Variants in ZNF580 observed in about 807,000 individuals in gnomAD.
ZNF580 encodes the protein LDL-induced EC protein.
ZNF580 carries 1 observed loss-of-function variant against 1.3 expected under a neutral mutation model. The ratio of observed to expected loss-of-function variants is 0.77; its 90% confidence interval spans 0.27 to 3.65. The LOEUF is 3.65. Among genes scored for constraint, ZNF580 ranks in the 30% most tolerant of loss-of-function variants. ZNF580 has a pLI of 0.19. For missense variants in ZNF580, 268 were observed against 272.3 expected, an observed-to-expected ratio of 0.98 and a Z score of 0.11; for synonymous variants, 135 against 128.8, an observed-to-expected ratio of 1.05 and a Z score of -0.32.
intron 1 of ZNF580, chr19:55,641,947 C>A (rs1409970218): frequency 2.8e-6 from 2 of 706,878 alleles, no homozygotes; most frequent in Admixed American, 9.9e-5. Flanking sequence ...AGGGAGGCCA[C>A]GGAATATGAA....
In ZNF580 at chr19:55,642,512, C is replaced by A; in HGVS notation, c.4C>A (p.Leu2Met). 1 of 1,430,444 alleles carries A rather than the reference C, an allele frequency of 7.0e-7. No individual in the cohort carries two copies. The allele number at this position is 1,430,444 out of a possible 1,614,324, so 88.6% of individuals were successfully genotyped here. A position where few individuals can be genotyped will look rare whatever the true frequency, so the allele number is the denominator to read the frequency against. The change falls in exon 2 of 2, where the codon CTG becomes ATG. Residue 2 changes from leucine to methionine, a missense_variant. Physicochemically the swap from Leu to Met is conservative, Grantham distance 15. Around this residue, in one of 2 missense-constraint regions of ZNF580, gnomAD observed 225 missense variants for 201.7 expected, o/e 1.12. Transcript: ENST00000325333. ...CCGCTCCCAGCTGCCGCTCCAGATG[C>A]TGCTGCTGCCGCCGCGGCCACCCCA... MLLLPPRPPHPR... is the reference protein window; with the variant it reads MMLLPPRPPHPR...
Position 55,642,931 on chromosome 19 carries a change from G to C in ZNF580, c.423G>C (p.Thr141=). 6.8e-7 allele frequency: 1 copy of C among 1,470,786 alleles called. No individual in the cohort carries two copies. 91.1% of individuals were successfully genotyped at this position (1,470,786 alleles called of 1,614,324 possible). The change falls in exon 2 of 2, where the codon ACG becomes ACC. Residue 141 remains threonine, a synonymous_variant. Transcript: ENST00000325333. ...RSSHLSRHRA[T]HRARAGPPHT... is the part of the protein sequence containing the mutation. ...GCCACCTGTCGCGGCATCGCGCCAC[G>C]CACCGCGCCCGCGCCGGGCCGCCGC... is the stretch of plus-strand genomic sequence containing the variant.
chr19:55,642,122 G>C, intron 1 of ZNF580: 2 of 1,011,318 alleles, frequency 2.0e-6, no homozygotes, highest in Non-Finnish European at 2.4e-6. Flanking sequence ...CGGCGGTCAG[G>C]AGGCCCGGGG....
rs2459751 is a variant in ZNF580 at position 55,641,174 on chromosome 19, G to T, written c.-22G>T. ...CCCGTTCCTCCGGACCCGAGAGGCCGCCGCACGGGGTACGGGGGCCGGGAT... is the reference window on the plus strand; with the variant it reads ...CCCGTTCCTCCGGACCCGAGAGGCCTCCGCACGGGGTACGGGGGCCGGGAT... On this transcript the variant is annotated 5_prime_UTR_variant, in exon 1 of 2. Transcript: ENST00000325333. 1 of 985,350 alleles carries T rather than the reference G, an allele frequency of 1.0e-6. No homozygotes were observed. Among genetic ancestry groups the T allele is most frequent in the Non-Finnish European group, 1.2e-6 (1 of 829,910 alleles). 61.0% of individuals were successfully genotyped at this position (985,350 alleles called of 1,614,324 possible).
In ZNF580 at chr19:55,642,637, G is replaced by T. The variant is rs985967698; in HGVS notation, c.129G>T (p.Ala43=). The T allele has an allele frequency of 2.9e-5, 42 of 1,428,548 alleles. No homozygotes were observed. Among genetic ancestry groups the T allele is most frequent in the Non-Finnish European group, 3.8e-5 (41 of 1,089,802 alleles). 88.5% of individuals were successfully genotyped at this position (1,428,548 alleles called of 1,614,324 possible). ...EGPSSTPSSA[A]GPRPPRLGRH... The stretch of plus-strand genomic sequence containing the variant: ...CCTCCTCCACTCCTTCCTCGGCGGC[G>T]GGGCCCCGACCCCCGCGGCTGGGCC... The change falls in exon 2 of 2, where the codon GCG becomes GCT. Residue 43 remains alanine, a synonymous_variant. Transcript: ENST00000325333.
rs963058314 is a variant in ZNF580 at position 55,643,055 on chromosome 19, C to T, written c.*28C>T. ...TCGAGACCCGGCCTGTGCTGCCCTG[C>T]CCGTCTCAGGGCCACCAAGTCTGAC... is the stretch of plus-strand genomic sequence containing the variant. On this transcript the variant is annotated 3_prime_UTR_variant, in exon 2 of 2. Transcript: ENST00000325333. 2.2e-6 allele frequency: 3 copies of T among 1,343,538 alleles called. No individual in the cohort carries two copies. The highest frequency in any genetic ancestry group is 6.2e-5 in the East Asian group (2 of 32,304). The allele number at this position is 1,343,538 out of a possible 1,614,324, so 83.2% of individuals were successfully genotyped here.
At position 55,642,758 on chromosome 19, in the gene ZNF580, G is replaced by T; in HGVS notation, c.250G>T (p.Gly84Ter). The change falls in exon 2 of 2, where the codon GGA becomes TGA. Residue 84 changes from glycine (G) to a stop codon, truncating the protein, a stop_gained. Transcript: ENST00000325333. LOFTEE classifies it low-confidence loss of function (END_TRUNC). ...CCCGCCCCAGCGCGAGGCGCCCCCA[G>T]GAGAGCCCGGCCCTCGCAAGGGCTA... Reference protein sequence around the residue: ...RGPPQREAPPGEPGPRKGYSC... With the variant: ...RGPPQREAPP The T allele has an allele frequency of 6.5e-7, 1 of 1,539,734 alleles. No homozygotes were observed. The highest frequency in any genetic ancestry group is 8.7e-7 in the Non-Finnish European group (1 of 1,148,346).
Position 55,642,644 on chromosome 19 carries a change from C to T in ZNF580, c.136C>T (p.Arg46Ter). ...SSTPSSAAGP[R>*]PPRLGRHLLI... is the part of the protein sequence containing the mutation. The stretch of plus-strand genomic sequence containing the variant: ...CACTCCTTCCTCGGCGGCGGGGCCC[C>T]GACCCCCGCGGCTGGGCCGCCACCT... Residue 46 changes from arginine (R) to a stop codon, truncating the protein, a stop_gained, in exon 2 of 2, where the codon CGA becomes TGA. Transcript: ENST00000325333. LOFTEE classifies it low-confidence loss of function (END_TRUNC). The T allele has an allele frequency of 7.0e-7, 1 of 1,432,548 alleles. No homozygotes were observed. The allele number at this position is 1,432,548 out of a possible 1,614,324, so 88.7% of individuals were successfully genotyped here. A position where few individuals can be genotyped will look rare whatever the true frequency, so the allele number is the denominator to read the frequency against.
intron 1 of ZNF580, chr19:55,642,269 T>A: frequency 8.1e-7 from 1 of 1,234,946 alleles, no homozygotes; most frequent in Non-Finnish European, 1.0e-6. Context: ...CCAGGAGGAG[T>A]GGCAGGTGGT....
chr19:55,643,042 C>A lies in ZNF580; in HGVS notation c.*15C>A. The A allele has an allele frequency of 7.4e-7, 1 of 1,350,150 alleles. No homozygotes were observed. The highest frequency in any genetic ancestry group is 9.5e-7 in the Non-Finnish European group (1 of 1,049,472). 83.6% of individuals were successfully genotyped at this position (1,350,150 alleles called of 1,614,324 possible). A position where few individuals can be genotyped will look rare whatever the true frequency, so the allele number is the denominator to read the frequency against. Reference sequence around the variant, plus strand: ...GCCTCCACTAAGCTCGAGACCCGGCCTGTGCTGCCCTGCCCGTCTCAGGGC... The same window carrying A: ...GCCTCCACTAAGCTCGAGACCCGGCATGTGCTGCCCTGCCCGTCTCAGGGC... On this transcript the variant is annotated 3_prime_UTR_variant, in exon 2 of 2. Coordinates refer to ENST00000325333, the MANE Select transcript of ZNF580 (RefSeq NM_207115.2).
Position 55,642,556 on chromosome 19 carries a change from G to C in ZNF580, c.48G>C (p.Pro16=). 6.9e-7 allele frequency: 1 copy of C among 1,450,970 alleles called. No individual in the cohort carries two copies. The highest frequency in any genetic ancestry group is 9.1e-7 in the Non-Finnish European group (1 of 1,104,684). 89.9% of individuals were successfully genotyped at this position (1,450,970 alleles called of 1,614,324 possible). The change falls in exon 2 of 2, where the codon CCG becomes CCC. Residue 16 remains proline (P), a synonymous_variant. Transcript: ENST00000325333. ...PRPPHPRSSS[P]EAMDPPPPKA... is the part of the protein sequence containing the mutation. Reference sequence around the variant, plus strand: ...CACCCCACCCTCGGTCCTCCTCTCCGGAGGCCATGGACCCACCGCCCCCCA... The same window carrying C: ...CACCCCACCCTCGGTCCTCCTCTCCCGAGGCCATGGACCCACCGCCCCCCA...
chr19:55,642,879 C>T lies in ZNF580; in HGVS notation c.371C>T (p.Ala124Val), dbSNP rs1181588466. Reference protein sequence around the residue: ...HSDLKPFTCGACGKAFKRSSH... With the variant: ...HSDLKPFTCGVCGKAFKRSSH... Reference sequence around the variant, plus strand: ...GACCTCAAGCCCTTCACGTGCGGCGCCTGCGGCAAGGCCTTCAAGCGCTCC... The same window carrying T: ...GACCTCAAGCCCTTCACGTGCGGCGTCTGCGGCAAGGCCTTCAAGCGCTCC... Residue 124 changes from alanine to valine, a missense_variant, in exon 2 of 2, where the codon GCC becomes GTC. Physicochemically the swap from Ala to Val is moderately conservative, Grantham distance 64 (BLOSUM62 0). Coordinates refer to ENST00000325333, the MANE Select transcript of ZNF580 (RefSeq NM_207115.2). The T allele has an allele frequency of 1.9e-6, 3 of 1,565,322 alleles. No individual in the cohort carries two copies. The highest frequency in any genetic ancestry group is 2.6e-6 in the Non-Finnish European group (3 of 1,164,230).
rs1203986379 is a variant in ZNF580, at chr19:55,643,237, C to T, written c.*210C>T. On this transcript the variant is annotated 3_prime_UTR_variant, in exon 2 of 2. Transcript: ENST00000325333. ...GATGTAGACCAAAGTCGTTGCCCCT[C>T]CCTGGGCCTGGGAACCAGTCGGAAC... 2 of 836,934 alleles carry T rather than the reference C, an allele frequency of 2.4e-6. No individual in the cohort carries two copies. Among genetic ancestry groups the T allele is most frequent in the African/African-American group, 3.6e-5 (2 of 55,912 alleles). 51.8% of individuals were successfully genotyped at this position (836,934 alleles called of 1,614,324 possible).
chr19:55,643,066 G>C lies in ZNF580; in HGVS notation c.*39G>C. 6 of 1,340,186 alleles carry C rather than the reference G, an allele frequency of 4.5e-6. No homozygotes were observed. The highest frequency in any genetic ancestry group is 5.8e-6 in the Non-Finnish European group (6 of 1,043,268). The allele number at this position is 1,340,186 out of a possible 1,614,324, so 83.0% of individuals were successfully genotyped here. A position where few individuals can be genotyped will look rare whatever the true frequency, so the allele number is the denominator to read the frequency against. On this transcript the variant is annotated 3_prime_UTR_variant, in exon 2 of 2. Coordinates refer to ENST00000325333, the MANE Select transcript of ZNF580 (RefSeq NM_207115.2). Reference sequence around the variant, plus strand: ...CCTGTGCTGCCCTGCCCGTCTCAGGGCCACCAAGTCTGACCCACACAGCGT... The same window carrying C: ...CCTGTGCTGCCCTGCCCGTCTCAGGCCCACCAAGTCTGACCCACACAGCGT...
In ZNF580 at chr19:55,642,528, G is replaced by A; in HGVS notation, c.20G>A (p.Arg7Gln). The change falls in exon 2 of 2, where the codon CGG becomes CAG. Residue 7 changes from arginine to glutamine, a missense_variant. Arg to Gln is a conservative substitution (Grantham distance 43). Around this residue, in one of 2 missense-constraint regions of ZNF580, gnomAD observed 225 missense variants for 201.7 expected, o/e 1.12. Coordinates refer to ENST00000325333, the MANE Select transcript of ZNF580 (RefSeq NM_207115.2). MLLLPP[R>Q]PPHPRSSSPE... is the part of the protein sequence containing the mutation. ...CTCCAGATGCTGCTGCTGCCGCCGC[G>A]GCCACCCCACCCTCGGTCCTCCTCT... 1 of 1,433,430 alleles carries A rather than the reference G, an allele frequency of 7.0e-7. No homozygotes were observed. The highest frequency in any genetic ancestry group is 9.1e-7 in the Non-Finnish European group (1 of 1,094,786). The allele number at this position is 1,433,430 out of a possible 1,614,324, so 88.8% of individuals were successfully genotyped here.
chr19:55,642,736 G>T lies in ZNF580; in HGVS notation c.228G>T (p.Pro76=). Residue 76 remains proline, a synonymous_variant, in exon 2 of 2, where the codon CCG becomes CCT. Coordinates refer to ENST00000325333, the MANE Select transcript of ZNF580 (RefSeq NM_207115.2). ...AGCTGGAGGAGGAGCCCCGGGGCCCGCCCCAGCGCGAGGCGCCCCCAGGAG... is the reference window on the plus strand; with the variant it reads ...AGCTGGAGGAGGAGCCCCGGGGCCCTCCCCAGCGCGAGGCGCCCCCAGGAG... ...TVQLEEEPRG[P]PQREAPPGEP... is the part of the protein sequence containing the mutation. The T allele has an allele frequency of 1.3e-6, 2 of 1,516,140 alleles. No homozygotes were observed. The highest frequency in any genetic ancestry group is 1.8e-6 in the Non-Finnish European group (2 of 1,134,988). 93.9% of individuals were successfully genotyped at this position (1,516,140 alleles called of 1,614,324 possible). A position where few individuals can be genotyped will look rare whatever the true frequency, so the allele number is the denominator to read the frequency against.
At position 55,643,411 on chromosome 19, in the gene ZNF580, T is replaced by G; in HGVS notation, c.*384T>G. 4.4e-6 allele frequency: 1 copy of G among 227,720 alleles called. No homozygotes were observed. 14.1% of individuals were successfully genotyped at this position (227,720 alleles called of 1,614,324 possible). ...ACGGGCACGGTCTGGTTCATTTCTG[T>G]ATCTACCCCCCTTCCGCCCACGCCC... On this transcript the variant is annotated 3_prime_UTR_variant, in exon 2 of 2. Coordinates refer to ENST00000325333, the MANE Select transcript of ZNF580 (RefSeq NM_207115.2).
Position 55,642,863 on chromosome 19 carries a change from C to T in ZNF580, c.355C>T (p.Pro119Ser), listed in dbSNP as rs1407482202. ...SHRVSHSDLK[P>S]FTCGACGKAF... Reference sequence around the variant, plus strand: ...CCGCGTGTCGCACTCGGACCTCAAGCCCTTCACGTGCGGCGCCTGCGGCAA... The same window carrying T: ...CCGCGTGTCGCACTCGGACCTCAAGTCCTTCACGTGCGGCGCCTGCGGCAA... The change falls in exon 2 of 2, where the codon CCC becomes TCC. Residue 119 changes from proline (P) to serine (S), a missense_variant. By Grantham distance (74) the Pro-to-Ser change is moderately conservative. Around this residue, in one of 2 missense-constraint regions of ZNF580, gnomAD observed 225 missense variants for 201.7 expected, o/e 1.12. Transcript: ENST00000325333. 1 of 1,570,720 alleles carries T rather than the reference C, an allele frequency of 6.4e-7. No homozygotes were observed. The highest frequency in any genetic ancestry group is 1.7e-5 in the Admixed American group (1 of 57,260).
In ZNF580 at chr19:55,642,964, C is replaced by T; in HGVS notation, c.456C>T (p.Cys152=). Residue 152 remains cysteine (C), a synonymous_variant, in exon 2 of 2, where the codon TGC becomes TGT. Transcript: ENST00000325333. Reference sequence around the variant, plus strand: ...CCCGCGCCGGGCCGCCGCACACCTGCCCGCTCTGCCCACGCCGCTTCCAGG... The same window carrying T: ...CCCGCGCCGGGCCGCCGCACACCTGTCCGCTCTGCCCACGCCGCTTCCAGG... ...HRARAGPPHT[C]PLCPRRFQDA... The T allele has an allele frequency of 7.1e-7, 1 of 1,403,646 alleles. No individual in the cohort carries two copies. Among genetic ancestry groups the T allele is most frequent in the Non-Finnish European group, 9.2e-7 (1 of 1,082,770 alleles). 86.9% of individuals were successfully genotyped at this position (1,403,646 alleles called of 1,614,324 possible).
Sources: allele counts gnomAD v4.1 joint callset, GRCh38; gene constraint gnomAD v4.1.1; regional missense constraint gnomAD v4.1.1; transcripts MANE v1.5; gene names NCBI Gene and HGNC (gene_info 2026-07-23, HGNC 2026-07-21).